Variants in SH3KBP1 observed in about 807,000 individuals in gnomAD.
SH3KBP1 encodes the protein SH3 domain-containing kinase-binding protein 1.
A neutral mutation model predicts 50.1 loss-of-function variants in SH3KBP1; 8 were observed. That is an observed-to-expected ratio of 0.16 (90% CI 0.09 to 0.29). SH3KBP1 has a LOEUF of 0.29. Ranked by LOEUF, SH3KBP1 falls within the 10% of genes least tolerant of loss-of-function variation. The pLI is 1.00. For synonymous variants in SH3KBP1, 227 were observed against 218.6 expected (o/e 1.04, Z -0.34); for missense variants, 377 against 535.2 (o/e 0.70, Z 2.92).
At chrX:19,859,011 C>T (rs2068719935) in intron 1 of SH3KBP1, among the ~76,000 whole-genome samples, 1 of 112,251 alleles carries the variant, frequency 8.9e-6, no homozygotes, top group Non-Finnish European at 1.9e-5. Context: ...GCAGAAAGAA[C>T]TTCGCATATG....
In SH3KBP1 at chrX:19,724,281, T is replaced by C. The variant is rs72616085; in HGVS notation, c.287-17297A>G. Among the ~76,000 whole-genome samples the C allele has an allele frequency of 6.6e-4, 74 of 111,811 alleles. 2 individuals carry two copies. The East Asian group carries it at 0.016, about 24-fold the overall frequency. On this transcript the variant is annotated intron_variant, in intron 3 of 17. Coordinates refer to ENST00000397821, the MANE Select transcript of SH3KBP1 (RefSeq NM_031892.3). The stretch of plus-strand genomic sequence containing the variant: ...AAAGAGCAGAGAAAAATAGAGAAAG[T>C]AGGGAAAAATAAATCCACATTAATC...
At chrX:19,680,231 T>G (rs2063015027) in intron 6 of SH3KBP1, among the ~76,000 whole-genome samples, 1 of 109,244 alleles carries the variant, frequency 9.2e-6, no homozygotes, top group East Asian at 2.9e-4. Context: ...AAAAAAAAAT[T>G]AAGCTGGGTG....
At chrX:19,780,657 C>T (rs1336394858) in intron 2 of SH3KBP1, among the ~76,000 whole-genome samples, 4 of 106,637 alleles carry the variant, frequency 3.8e-5, no homozygotes, top group African/African-American at 1.4e-4. Flanking sequence ...CAGCTTTCCA[C>T]ATATGGCTAG....
intron 2 of SH3KBP1, among the ~76,000 whole-genome samples, chrX:19,799,140 C>T (rs887025034): frequency 9.1e-6 from 1 of 110,030 alleles, no homozygotes; most frequent in Non-Finnish European, 1.9e-5. Context: ...CTAAATTCCA[C>T]ACCTGGCTTC....
In SH3KBP1 at chrX:19,608,118, A is replaced by G. The variant is rs778798695; in HGVS notation, c.898-73T>C. Reference sequence around the variant, plus strand: ...CAGAGGGGTGTAACCCCCCTCTTCAAGAGAATGGAGGCCCTTTCCTGGAGG... The same window carrying G: ...CAGAGGGGTGTAACCCCCCTCTTCAGGAGAATGGAGGCCCTTTCCTGGAGG... On this transcript the variant is annotated intron_variant, in intron 8 of 17. Coordinates refer to ENST00000397821, the MANE Select transcript of SH3KBP1 (RefSeq NM_031892.3). The G allele has an allele frequency of 8.2e-6, 7 of 855,322 alleles. No individual in the cohort carries two copies. In the East Asian group the frequency reaches 2.3e-4, roughly 28 times the overall value. The allele number at this position is 855,322 out of a possible 1,213,427, so 70.5% of individuals were successfully genotyped here. A position where few individuals can be genotyped will look rare whatever the true frequency, so the allele number is the denominator to read the frequency against.
intron 10 of SH3KBP1, 41 bp from the exon 11 acceptor site, chrX:19,592,188 G>A (rs1369418012): frequency 9.7e-7 from 1 of 1,034,397 alleles, no homozygotes; most frequent in East Asian, 3.0e-5. Flanking sequence ...AATGTTTTCT[G>A]TACTCAATTA....
At chrX:19,554,355 T>TATATATCATATTAAAATATAA (rs57147215) in intron 13 of SH3KBP1, among the ~76,000 whole-genome samples, 4 of 85,547 alleles carry the variant, frequency 4.7e-5, no homozygotes, top group Non-Finnish European at 6.2e-5. Flanking sequence ...TATTAATATA[T>TATATATCATATTAAAATATAA]TATATATCAT....
In SH3KBP1 at chrX:19,536,467, A is replaced by G; in HGVS notation, c.1957-9T>C. ...ATGTCGTTCACTTCCATCTAGAAAG[A>G]GAAAAATAAGAATGGAACAAAGTCA... On this transcript the variant is annotated splice_polypyrimidine_tract_variant and intron_variant, in intron 17 of 17. Coordinates refer to ENST00000397821, the MANE Select transcript of SH3KBP1 (RefSeq NM_031892.3). 9.1e-7 allele frequency: 1 copy of G among 1,093,316 alleles called. No individual in the cohort carries two copies. The highest frequency in any genetic ancestry group is 2.0e-5 in the South Asian group (1 of 49,246). The allele number at this position is 1,093,316 out of a possible 1,213,427, so 90.1% of individuals were successfully genotyped here.
chrX:19,546,182 C>CAAAAAAAAA, intron 14 of SH3KBP1, 132 bp from the exon 15 acceptor site: 1 of 732,791 alleles, frequency 1.4e-6, no homozygotes, highest in Non-Finnish European at 2.0e-6. Flanking sequence ...CCCTGTGAGG[C>CAAAAAAAAA]AAAAAAGTGT....
chrX:19,871,673 A>G (rs374854382), intron 1 of SH3KBP1, among the ~76,000 whole-genome samples: 3 of 112,056 alleles, frequency 2.7e-5, no homozygotes, highest in East Asian at 5.6e-4. Context: ...TAAAAAGGCC[A>G]AGGCGTTGAG....
chrX:19,760,041 CCTCTCTCTCTCTCTCTCTCTCT>C (rs745515349), intron 2 of SH3KBP1, among the ~76,000 whole-genome samples: 1 of 50,459 alleles, frequency 2.0e-5, no homozygotes, highest in South Asian at 1.0e-3. Context: ...TCTCTCTCTC[CCTCTCTCTCTCTCTCTCTCTCT>C]CTCTCTCTCT....
intron 6 of SH3KBP1, among the ~76,000 whole-genome samples, chrX:19,647,374 T>C (rs2062013371): frequency 9.0e-6 from 1 of 111,558 alleles, no homozygotes; most frequent in Non-Finnish European, 1.9e-5. Flanking sequence ...CTTCCCCTTC[T>C]TTAGTAACAG....
chrX:19,656,675 T>C (rs1417522551), intron 6 of SH3KBP1, among the ~76,000 whole-genome samples: 1 of 111,837 alleles, frequency 8.9e-6, no homozygotes, highest in Non-Finnish European at 1.9e-5. Flanking sequence ...GTGGAGAATA[T>C]ACCCTAATGG....
intron 2 of SH3KBP1, among the ~76,000 whole-genome samples, chrX:19,819,209 T>G (rs1361223461): frequency 8.9e-6 from 1 of 112,405 alleles, no homozygotes; most frequent in East Asian, 2.8e-4. Context: ...AATTTAGTAT[T>G]CGCTTATTGT....
chrX:19,794,261 G>A (rs1416246287), intron 2 of SH3KBP1, among the ~76,000 whole-genome samples: 2 of 107,915 alleles, frequency 1.9e-5, no homozygotes, highest in Admixed American at 2.0e-4. Flanking sequence ...AATCAGCCAG[G>A]CATGGTGGTG....
intron 2 of SH3KBP1, among the ~76,000 whole-genome samples, chrX:19,829,279 G>A (rs988470248): frequency 8.9e-5 from 10 of 111,853 alleles, no homozygotes; most frequent in Non-Finnish European, 1.3e-4. Flanking sequence ...ATTTTGTTGT[G>A]CACCAGTCAT....
At chrX:19,836,349 C>T (rs2068056751) in intron 1 of SH3KBP1, 67 bp from the exon 2 acceptor site, 1 of 941,082 alleles carries the variant, frequency 1.1e-6, no homozygotes, top group East Asian at 3.1e-5. Flanking sequence ...TCCAGTATCC[C>T]TTGAAGGCCA....
intron 8 of SH3KBP1, among the ~76,000 whole-genome samples, chrX:19,630,632 AG>A (rs1017649167): frequency 6.3e-5 from 7 of 111,818 alleles, no homozygotes; most frequent in African/African-American, 2.3e-4. Flanking sequence ...TCTGCAAAAC[AG>A]GGAATGATTT....
At chrX:19,603,823 G>A (rs2067164346) in intron 9 of SH3KBP1, among the ~76,000 whole-genome samples, 1 of 111,351 alleles carries the variant, frequency 9.0e-6, no homozygotes, top group African/African-American at 3.3e-5. Context: ...GAATAGCTGG[G>A]ACTCCAGGCA....
Sources: allele counts gnomAD v4.1 joint callset (sites outside exome capture counted in the v4.1 genomes callset), GRCh38; gene constraint gnomAD v4.1.1; transcripts MANE v1.5; gene names NCBI Gene and HGNC (gene_info 2026-07-23, HGNC 2026-07-21).